The following UBR3 variants were observed in gnomAD, a reference collection of about 807,000 sequenced individuals.
UBR3 encodes the protein ubiquitin protein ligase E3 component n-recognin 3, also known as E3 ubiquitin-protein ligase UBR3.
A neutral mutation model predicts 243.2 loss-of-function variants in UBR3; 85 were observed. The ratio of observed to expected loss-of-function variants is 0.35; its 90% CI spans 0.29 to 0.42. UBR3 has a LOEUF of 0.42. Ranked by LOEUF, UBR3 falls within the 10% of genes least tolerant of loss-of-function variation. UBR3 has a pLI of 1.00. For missense variants in UBR3, 1,686 were observed against 2,300.8 expected, an observed-to-expected ratio of 0.73 and a Z score of 5.47; for synonymous variants, 748 against 799.8, an observed-to-expected ratio of 0.94 and a Z score of 1.09.
Position 169,878,530 on chromosome 2 carries a change from A to T in UBR3, c.994A>T (p.Ile332Leu). ...ATTTTTCTTCTCCTCCAAAGGTTTC[A>T]TAGGCGCAACAGGAACTTTGGGACA... is the stretch of plus-strand genomic sequence containing the variant. ...GTSSLAVQGF[I>L]GATGTLGQVD... is the part of the protein sequence containing the mutation. Residue 332 changes from isoleucine to leucine, a missense_variant, in exon 5 of 39, where the codon ATA (isoleucine) becomes TTA (leucine). Physicochemically the swap from Ile to Leu is conservative, Grantham distance 5. Coordinates refer to ENST00000272793, the MANE Select transcript of UBR3 (RefSeq NM_172070.4). 6.4e-7 allele frequency: 1 copy of T among 1,551,308 alleles called. No individual in the cohort carries two copies. The highest frequency in any genetic ancestry group is 8.7e-7 in the Non-Finnish European group (1 of 1,146,678).
At chr2:169,875,976 T>C (rs1482792576) in intron 3 of UBR3, 27 bp downstream of exon 3, 2 of 1,456,914 alleles carry the variant, frequency 1.4e-6, no homozygotes, top group Non-Finnish European at 1.8e-6. Flanking sequence ...AAGAAATTTA[T>C]AGTTTTCATA....
At chr2:169,892,630 AT>A (rs1197644330) in intron 6 of UBR3, among the ~76,000 whole-genome samples, 1 of 152,212 alleles carries the variant, frequency 6.6e-6, no homozygotes, top group African/African-American at 2.4e-5. Context: ...CATGGAAGGA[AT>A]GGCTTTGTGA....
chr2:170,064,052 G>C (rs2091504572), intron 35 of UBR3, among the ~76,000 whole-genome samples: 1 of 152,122 alleles, frequency 6.6e-6, no homozygotes, highest in South Asian at 2.1e-4. Context: ...AGTCAGTTGA[G>C]TACAAAGCAT....
chr2:169,949,474 G>C (rs1036845900), intron 22 of UBR3, 131 bp from the exon 23 acceptor site: 6 of 849,376 alleles, frequency 7.1e-6, no homozygotes, highest in Non-Finnish European at 1.0e-5. Flanking sequence ...TTTATTTAAA[G>C]AGCAAATCTA....
intron 35 of UBR3, among the ~76,000 whole-genome samples, chr2:170,066,989 AT>A (rs2091585122): frequency 6.7e-6 from 1 of 149,614 alleles, no homozygotes; most frequent in South Asian, 2.1e-4. Context: ...AATAATAATA[AT>A]AATAAACTTC....
chr2:169,962,951 T>C (rs1027768261), intron 24 of UBR3, among the ~76,000 whole-genome samples: 1 of 152,092 alleles, frequency 6.6e-6, no homozygotes, highest in African/African-American at 2.4e-5. Flanking sequence ...TCTGTGTACA[T>C]GGGTAAAGTG....
intron 35 of UBR3, among the ~76,000 whole-genome samples, chr2:170,070,250 C>CT (rs2091669153): frequency 1.3e-5 from 2 of 152,006 alleles, no homozygotes; most frequent in Non-Finnish European, 1.5e-5. Flanking sequence ...GGGGGGGAAA[C>CT]CATATGATCA....
chr2:169,842,658 A>G (rs1356954636), intron 1 of UBR3, among the ~76,000 whole-genome samples: 1 of 151,852 alleles, frequency 6.6e-6, no homozygotes, highest in East Asian at 1.9e-4. Context: ...GAGCTGTAAC[A>G]CTCACCGTGA....
At chr2:169,912,186 C>T (rs924371247) in intron 10 of UBR3, among the ~76,000 whole-genome samples, 4 of 151,184 alleles carry the variant, frequency 2.6e-5, no homozygotes, top group Admixed American at 6.6e-5. Flanking sequence ...ACACATTATA[C>T]GTGATGCCCC....
intron 33 of UBR3, among the ~76,000 whole-genome samples, chr2:170,058,768 G>A (rs1341304418): frequency 1.3e-5 from 2 of 151,988 alleles, no homozygotes; most frequent in African/African-American, 4.8e-5. Context: ...CTCCCACCTT[G>A]GCCTCCCAAA....
At position 169,923,993 on chromosome 2, in the gene UBR3, A is replaced by G. The variant is rs1169980216; in HGVS notation, c.1931A>G (p.Lys644Arg). The change falls in exon 12 of 39, where the codon AAG becomes AGG. Residue 644 changes from lysine to arginine, a missense_variant and splice_region_variant. Coordinates refer to ENST00000272793, the MANE Select transcript of UBR3 (RefSeq NM_172070.4). ...LHRYYAMFLS[K>R]AVKCQELDLD... ...CGTTACTATGCTATGTTTTTGAGTAAGGTAAGACTGTCATTAAACAATTCT... is the reference window on the plus strand; with the variant it reads ...CGTTACTATGCTATGTTTTTGAGTAGGGTAAGACTGTCATTAAACAATTCT... 1 of 1,540,444 alleles carries G rather than the reference A, an allele frequency of 6.5e-7. No individual in the cohort carries two copies.
At chr2:170,029,483 C>G (rs2090615335) in intron 31 of UBR3, 35 bp downstream of exon 31, 1 of 1,503,386 alleles carries the variant, frequency 6.7e-7, no homozygotes, top group Non-Finnish European at 9.0e-7. Context: ...TCAATTAAAA[C>G]TCTTTATGAA....
chr2:169,942,698 G>C (rs1461251169), intron 20 of UBR3, 64 bp downstream of exon 20: 2 of 1,376,714 alleles, frequency 1.5e-6, no homozygotes, highest in Non-Finnish European at 1.9e-6. Context: ...TAATCCTAAA[G>C]GATAATATTT....
chr2:169,947,678 C>G lies in UBR3; in HGVS notation c.3047C>G (p.Pro1016Arg). 1 of 1,531,888 alleles carries G rather than the reference C, an allele frequency of 6.5e-7. No individual in the cohort carries two copies. Among genetic ancestry groups the G allele is most frequent in the Non-Finnish European group, 8.8e-7 (1 of 1,138,304 alleles). The allele number at this position is 1,531,888 out of a possible 1,614,324, so 94.9% of individuals were successfully genotyped here. The change falls in exon 22 of 39, where the codon CCT becomes CGT. Residue 1016 changes from proline (P) to arginine (R), a missense_variant. Physicochemically the swap from Pro to Arg is moderately radical, Grantham distance 103. Transcript: ENST00000272793. ...ETAPEVKRDS[P>R]ASTSSDNLGS... ...GCTCCTGAAGTAAAGAGAGACTCAC[C>G]TGCAAGTACTAGCTCTGATAACTTG...
chr2:169,853,732 G>A (rs1378691003), intron 1 of UBR3, among the ~76,000 whole-genome samples: 1 of 151,916 alleles, frequency 6.6e-6, no homozygotes, highest in African/African-American at 2.4e-5. Context: ...TTATAGGAGT[G>A]AGCCATCGCC....
At chr2:170,002,216 C>T (rs1390601670) in intron 27 of UBR3, among the ~76,000 whole-genome samples, 1 of 152,150 alleles carries the variant, frequency 6.6e-6, no homozygotes, top group African/African-American at 2.4e-5. Flanking sequence ...CTCATTTAAT[C>T]AGCCTCCTTT....
At chr2:169,941,475 T>C (rs1327756872) in intron 19 of UBR3, among the ~76,000 whole-genome samples, 2 of 152,226 alleles carry the variant, frequency 1.3e-5, no homozygotes, top group African/African-American at 4.8e-5. Flanking sequence ...TTTCATTTAA[T>C]ATTTTCTGAC....
intron 24 of UBR3, among the ~76,000 whole-genome samples, chr2:169,966,935 A>G (rs921182617): frequency 2.6e-5 from 4 of 151,964 alleles, no homozygotes; most frequent in Admixed American, 1.3e-4. Flanking sequence ...TTTTTCCTCT[A>G]TTTTTGGTCT....
At chr2:170,001,477 T>A (rs910349716) in intron 27 of UBR3, 63 bp downstream of exon 27, 1 of 966,526 alleles carries the variant, frequency 1.0e-6, no homozygotes, top group African/African-American at 1.6e-5. Flanking sequence ...AATCTTTTTA[T>A]AGTATATACA....
Sources: gnomAD v4.1 joint callset for allele counts (sites outside exome capture counted in the v4.1 genomes callset) on GRCh38, gnomAD v4.1.1 for gene constraint, MANE v1.5 for transcripts, NCBI Gene and HGNC (gene_info 2026-07-23, HGNC 2026-07-21) for gene names.